KRT74: variants seen among roughly 807,000 people sequenced by gnomAD.
KRT74 encodes the protein keratin, type II cytoskeletal 74.
In KRT74, 43 loss-of-function variants were observed where a neutral mutation model predicts 42.7. The ratio of observed to expected loss-of-function variants is 1.01; its 90% CI spans 0.79 to 1.30. The LOEUF is 1.30. Ranked by LOEUF, KRT74 falls within the 50% of genes most tolerant of loss-of-function variation. The pLI, the probability that KRT74 is intolerant of heterozygous loss-of-function variation, is 0.00. For missense variants in KRT74, 736 were observed against 689.1 expected (o/e 1.07, Z -0.76); for synonymous variants, 302 against 279.0 (o/e 1.08, Z -0.82).
intron 2 of KRT74, 94 bp downstream of exon 2, chr12:52,572,359 C>T: frequency 7.6e-7 from 1 of 1,324,260 alleles, no homozygotes; most frequent in Non-Finnish European, 1.1e-6. Context: ...CTGGTGCATA[C>T]TCCCCCATCT....
At chr12:52,573,244 C>T in intron 1 of KRT74, 63 bp downstream of exon 1, 1 of 1,500,858 alleles carries the variant, frequency 6.7e-7, no homozygotes, top group Non-Finnish European at 9.3e-7. Flanking sequence ...AGTCCATTCC[C>T]AGGCAGCAGG....
Position 52,571,425 on chromosome 12 carries a change from C to T in KRT74, c.777G>A (p.Val259=). ...KDADAAYAVK[V]ELQAKVDSLD... ...GTGAGTCCACTTTGGCCTGAAGCTC[C>T]ACCTTGACTGCGTAGGCTGCATCTG... The change falls in exon 4 of 9, where the codon GTG becomes GTA. Residue 259 remains valine (V), a synonymous_variant. Coordinates refer to ENST00000305620, the MANE Select transcript of KRT74 (RefSeq NM_175053.4). The T allele has an allele frequency of 1.2e-6, 2 of 1,614,000 alleles. No individual in the cohort carries two copies. The highest frequency in any genetic ancestry group is 1.7e-6 in the Non-Finnish European group (2 of 1,179,882).
intron 7 of KRT74, 151 bp downstream of exon 7, chr12:52,568,018 A>C: frequency 1.1e-6 from 1 of 917,252 alleles, no homozygotes; most frequent in South Asian, 1.5e-5. Context: ...CATGTCCAAC[A>C]ACCCCTTGCA....
chr12:52,570,542 TGAAGCC>T, intron 5 of KRT74, 121 bp downstream of exon 5: 14 of 1,014,064 alleles, frequency 1.4e-5, no homozygotes, highest in Admixed American at 8.4e-5. Flanking sequence ...CTTTTTTCCT[TGAAGCC>T]TTGGTTGGAA....
chr12:52,570,926 G>T, intron 4 of KRT74, 93 bp from the exon 5 acceptor site: 1 of 1,442,300 alleles, frequency 6.9e-7, no homozygotes, highest in Non-Finnish European at 9.7e-7. Context: ...GGCCCAATAG[G>T]CTGCTAGGAT....
intron 3 of KRT74, 103 bp downstream of exon 3, chr12:52,571,841 C>T: frequency 1.2e-6 from 1 of 860,320 alleles, no homozygotes; most frequent in Non-Finnish European, 2.0e-6. Context: ...GCCCCCTCAC[C>T]AGGCACCAGC....
intron 7 of KRT74, 138 bp downstream of exon 7, chr12:52,568,031 A>C (rs914442478): frequency 9.9e-7 from 1 of 1,007,860 alleles, no homozygotes; most frequent in Non-Finnish European, 1.5e-6. Context: ...CCCTTGCAGG[A>C]AGCTGCCTCT....
rs777480606 is a variant in KRT74 at position 52,567,640 on chromosome 12, A to G, written c.1390+19T>C. 1.3e-5 allele frequency: 21 copies of G among 1,599,796 alleles called. No homozygotes were observed. Among genetic ancestry groups the G allele is most frequent in the East Asian group, 2.2e-5 (1 of 44,790 alleles). On this transcript the variant is annotated intron_variant, in intron 8 of 8. Transcript: ENST00000305620. ...GTCCCTGGCTTTCCCAACCCAAGGC[A>G]TCTCTCAAGAATACTCACAGATGCT...
chr12:52,573,621 G>T lies in KRT74; in HGVS notation c.157C>A (p.Leu53Ile). Residue 53 changes from leucine to isoleucine, a missense_variant, in exon 1 of 9, where the codon CTT becomes ATT. Transcript: ENST00000305620. ...AAAGAAATACGCCGATTCCCTCCAA[G>T]GCTATAGAGGCTCCGACTGCCAAAG... is the stretch of plus-strand genomic sequence containing the variant. Reference protein sequence around the residue: ...AGFGSRSLYSLGGNRRISFNV... With the variant: ...AGFGSRSLYSIGGNRRISFNV... 6.2e-7 allele frequency: 1 copy of T among 1,614,170 alleles called. No homozygotes were observed. Among genetic ancestry groups the T allele is most frequent in the Non-Finnish European group, 8.5e-7 (1 of 1,180,032 alleles).
intron 6 of KRT74, among the ~76,000 whole-genome samples, chr12:52,568,716 T>A (rs1378663963): frequency 1.3e-5 from 2 of 152,188 alleles, no homozygotes; most frequent in African/African-American, 4.8e-5. Context: ...TCATGCCCGA[T>A]CCCCTAGCAA....
At chr12:52,567,240 G>T in intron 8 of KRT74, 72 bp from the exon 9 acceptor site, 1 of 1,304,616 alleles carries the variant, frequency 7.7e-7, no homozygotes, top group Non-Finnish European at 1.0e-6. Flanking sequence ...GGTAACGGCT[G>T]TCCCCAAGGG....
intron 5 of KRT74, 145 bp from the exon 6 acceptor site, chr12:52,570,129 G>T: frequency 1.2e-6 from 1 of 867,682 alleles, no homozygotes; most frequent in Non-Finnish European, 1.8e-6. Flanking sequence ...GGGGGCCCAG[G>T]TAAGGGGTTT....
chr12:52,570,830 T>C lies in KRT74; in HGVS notation c.847A>G (p.Ile283Val). The stretch of plus-strand genomic sequence containing the variant: ...CTGGCGTGAGTCTGGATCTGAGCGA[T>C]CTCCTGCATTGAGAGAGGAAGACAG... Reference protein sequence around the residue: ...KFLKCLYDAEIAQIQTHASET... With the variant: ...KFLKCLYDAEVAQIQTHASET... The change falls in exon 5 of 9, where the codon ATC becomes GTC. Residue 283 changes from isoleucine (I) to valine (V), a missense_variant. By Grantham distance (29) the Ile-to-Val change is conservative (BLOSUM62 3). Coordinates refer to ENST00000305620, the MANE Select transcript of KRT74 (RefSeq NM_175053.4). 1 of 1,614,254 alleles carries C rather than the reference T, an allele frequency of 6.2e-7. No individual in the cohort carries two copies. The highest frequency in any genetic ancestry group is 2.2e-5 in the East Asian group (1 of 44,884).
In KRT74 at chr12:52,569,849, T is replaced by G. The variant is rs1186177311; in HGVS notation, c.1134+10A>C. The G allele has an allele frequency of 1.9e-6, 3 of 1,614,160 alleles. No individual in the cohort carries two copies. In the South Asian group the frequency reaches 3.3e-5, roughly 18 times the overall value. On this transcript the variant is annotated intron_variant, in intron 6 of 8. Coordinates refer to ENST00000305620, the MANE Select transcript of KRT74 (RefSeq NM_175053.4). The stretch of plus-strand genomic sequence containing the variant: ...GGAGACCGGGAGTTCTTTGTGGGGC[T>G]GCTGCCCACCTGCTTCTTCACATTC...
Position 52,566,496 on chromosome 12 carries a change from T to C in KRT74, c.*473A>G. The C allele has an allele frequency of 6.4e-6, 1 of 155,478 alleles. No homozygotes were observed. The highest frequency in any genetic ancestry group is 1.4e-5 in the Non-Finnish European group (1 of 70,502). 9.6% of individuals were successfully genotyped at this position (155,478 alleles called of 1,614,324 possible). On this transcript the variant is annotated 3_prime_UTR_variant, in exon 9 of 9. Coordinates refer to ENST00000305620, the MANE Select transcript of KRT74 (RefSeq NM_175053.4). ...ATTGGCGTCATCCTGCAAAGTTGTT[T>C]CTGATGGAGCAAGTAAAGGCTGTCT...
chr12:52,567,780 C>T lies in KRT74; in HGVS notation c.1356-87G>A. On this transcript the variant is annotated intron_variant, in intron 7 of 8. Coordinates refer to ENST00000305620, the MANE Select transcript of KRT74 (RefSeq NM_175053.4). ...TGGGCTCCTGCTTTTATACGTGCAT[C>T]ATTTAAACTCATCCTTATAACAACT... 3.2e-6 allele frequency: 3 copies of T among 931,718 alleles called. No homozygotes were observed. In the South Asian group the frequency reaches 4.0e-5, roughly 12 times the overall value. The allele number at this position is 931,718 out of a possible 1,614,324, so 57.7% of individuals were successfully genotyped here.
chr12:52,567,551 GA>G, intron 8 of KRT74, 107 bp downstream of exon 8: 2 of 875,166 alleles, frequency 2.3e-6, no homozygotes, highest in Non-Finnish European at 3.9e-6. Flanking sequence ...ACCTTCCCAA[GA>G]CAGTAACAGA....
In KRT74 at chr12:52,566,957, G is replaced by T. The variant is rs533870247; in HGVS notation, c.*12C>A. On this transcript the variant is annotated 3_prime_UTR_variant, in exon 9 of 9. Transcript: ENST00000305620. The stretch of plus-strand genomic sequence containing the variant: ...TCTTCTTCCAAGTGCTGAGGTGGGT[G>T]AGGCCATGGGTCTAGCGGGTGGCTT... 6.2e-7 allele frequency: 1 copy of T among 1,603,958 alleles called. No individual in the cohort carries two copies. Among genetic ancestry groups the T allele is most frequent in the African/African-American group, 1.3e-5 (1 of 74,770 alleles).
intron 6 of KRT74, 35 bp downstream of exon 6, chr12:52,569,824 G>A: frequency 6.2e-7 from 1 of 1,613,730 alleles, no homozygotes; most frequent in Non-Finnish European, 8.5e-7. Context: ...AGCCTGCTGT[G>A]GAGACCGGGA....
Sources: allele counts gnomAD v4.1 joint callset (sites outside exome capture counted in the v4.1 genomes callset), GRCh38; gene constraint gnomAD v4.1.1; transcripts MANE v1.5; gene names NCBI Gene and HGNC (gene_info 2026-07-23, HGNC 2026-07-21).